The following PALM2AKAP2 variants were observed in gnomAD, a reference collection of about 807,000 sequenced individuals.
PALM2AKAP2 encodes PALM2 and AKAP2 fusion.
In PALM2AKAP2, 37 loss-of-function variants were observed where a neutral mutation model predicts 71.5. The observed-to-expected ratio is 0.52, with a 90% CI of 0.40 to 0.68. PALM2AKAP2 has a LOEUF of 0.68. PALM2AKAP2 is among the 30% of genes least tolerant of loss of function. The pLI is 0.00. For synonymous variants in PALM2AKAP2, 468 were observed against 478.8 expected (o/e 0.98, Z 0.29); for missense variants, 1,224 against 1,191.8 (o/e 1.03, Z -0.40).
intron 1 of PALM2AKAP2, among the ~76,000 whole-genome samples, chr9:110,085,829 A>G (rs1291868505): frequency 6.6e-6 from 1 of 152,132 alleles, no homozygotes; most frequent in African/African-American, 2.4e-5. Flanking sequence ...ACTACAGCCC[A>G]TGCGAAGTGG....
At chr9:109,766,090 T>C (rs1479480018) in intron 1 of PALM2AKAP2, among the ~76,000 whole-genome samples, 2 of 152,228 alleles carry the variant, frequency 1.3e-5, no homozygotes, top group African/African-American at 2.4e-5. Flanking sequence ...CAAGTGTACA[T>C]GCATTACCTT....
At chr9:109,999,025 G>C (rs1832629228) in intron 6 of PALM2AKAP2, among the ~76,000 whole-genome samples, 1 of 152,086 alleles carries the variant, frequency 6.6e-6, no homozygotes, top group Non-Finnish European at 1.5e-5. Flanking sequence ...CAGCAGGGAG[G>C]ACAGTCCCTA....
At chr9:109,786,808 A>AT in intron 1 of PALM2AKAP2, among the ~76,000 whole-genome samples, 1 of 152,078 alleles carries the variant, frequency 6.6e-6, no homozygotes. Context: ...GGAAAAAAAA[A>AT]GTCATCATAG....
chr9:110,103,689 C>A (rs929068077), intron 1 of PALM2AKAP2, among the ~76,000 whole-genome samples: 1 of 152,154 alleles, frequency 6.6e-6, no homozygotes, highest in African/African-American at 2.4e-5. Context: ...TTCTACTTTA[C>A]CTGGAATTTT....
At chr9:109,678,612 C>G (rs1827682889) in intron 1 of PALM2AKAP2, among the ~76,000 whole-genome samples, 1 of 152,034 alleles carries the variant, frequency 6.6e-6, no homozygotes, top group South Asian at 2.1e-4. Flanking sequence ...GGGGGTGCAT[C>G]CTTATCTAGG....
chr9:110,003,571 T>G (rs1189171638), intron 6 of PALM2AKAP2, among the ~76,000 whole-genome samples: 5 of 152,158 alleles, frequency 3.3e-5, no homozygotes, highest in Admixed American at 3.3e-4. Flanking sequence ...CTGAGTTCAA[T>G]TCCTGGATAT....
intron 1 of PALM2AKAP2, among the ~76,000 whole-genome samples, chr9:109,786,175 C>G (rs1189779903): frequency 6.6e-6 from 1 of 152,232 alleles, no homozygotes; most frequent in Non-Finnish European, 1.5e-5. Context: ...GAGTACCAGG[C>G]TTGGAGTGTG....
At chr9:110,053,527 C>CAAAAAAAAAAAAAAAAAAAA (rs56132919) in intron 1 of PALM2AKAP2, among the ~76,000 whole-genome samples, 10 of 82,860 alleles carry the variant, frequency 1.2e-4, no homozygotes, top group East Asian at 4.0e-4. Flanking sequence ...AACTCTGTCT[C>CAAAAAAAAAAAAAAAAAAAA]AAAAAAAAAA....
At chr9:109,996,967 C>T (rs542055720) in intron 6 of PALM2AKAP2, among the ~76,000 whole-genome samples, 32 of 152,272 alleles carry the variant, frequency 2.1e-4, no homozygotes, top group Middle Eastern at 3.4e-3. Flanking sequence ...AGCAGGTGGA[C>T]CACTTGAATC....
chr9:110,169,528 G>A (rs1836809407), exon 4 of PALM2AKAP2: 1 of 152,074 alleles, frequency 6.6e-6, no homozygotes. Flanking sequence ...AAGAATGATG[G>A]ATTCCTTTTG....
intron 1 of PALM2AKAP2, among the ~76,000 whole-genome samples, chr9:110,118,575 C>G (rs932891388): frequency 2.0e-5 from 3 of 152,112 alleles, no homozygotes; most frequent in Non-Finnish European, 4.4e-5. Context: ...GTGAATTTAT[C>G]TCCTCCAGGT....
intron 1 of PALM2AKAP2, chr9:110,127,845 TCTC>T (rs150110741): frequency 2.0e-5 from 3 of 152,308 alleles, no homozygotes; most frequent in Non-Finnish European, 2.9e-5. Flanking sequence ...AGCACTTCCT[TCTC>T]CTAGTGCTGT....
At chr9:110,027,317 T>C (rs1833198737) in intron 7 of PALM2AKAP2, among the ~76,000 whole-genome samples, 1 of 152,198 alleles carries the variant, frequency 6.6e-6, no homozygotes, top group Non-Finnish European at 1.5e-5. Context: ...AAGTAATCCA[T>C]GTTAAAGAAG....
At chr9:109,707,263 A>G (rs1248604121) in intron 1 of PALM2AKAP2, among the ~76,000 whole-genome samples, 1 of 151,748 alleles carries the variant, frequency 6.6e-6, no homozygotes, top group Non-Finnish European at 1.5e-5. Context: ...AAGTTTAGAG[A>G]ACTGCCCCCC....
At chr9:110,160,236 A>G (rs1469377645) in intron 3 of PALM2AKAP2, among the ~76,000 whole-genome samples, 1 of 152,222 alleles carries the variant, frequency 6.6e-6, no homozygotes, top group Non-Finnish European at 1.5e-5. Context: ...AGTACCATTC[A>G]TCCCTTTAGT....
chr9:109,777,211 G>C (rs78514261), upstream of PALM2AKAP2, among the ~76,000 whole-genome samples: 2,190 of 152,312 alleles, frequency 0.014, 61 homozygotes, highest in African/African-American at 0.05. Flanking sequence ...TCTCCTGAGA[G>C]TTGAACTCAA....
intron 3 of PALM2AKAP2, among the ~76,000 whole-genome samples, chr9:110,161,134 G>A (rs886186971): frequency 6.6e-6 from 1 of 152,184 alleles, no homozygotes; most frequent in Non-Finnish European, 1.5e-5. Context: ...TAGTGAAGAT[G>A]CAAAGGAGAG....
At chr9:109,695,295 C>A (rs950588803) in intron 1 of PALM2AKAP2, among the ~76,000 whole-genome samples, 1 of 152,128 alleles carries the variant, frequency 6.6e-6, no homozygotes, top group African/African-American at 2.4e-5. Flanking sequence ...TAACTGATTT[C>A]GTTTCTTTTG....
chr9:110,117,360 A>C (rs1036138189), intron 1 of PALM2AKAP2, among the ~76,000 whole-genome samples: 6 of 152,104 alleles, frequency 3.9e-5, no homozygotes, highest in Non-Finnish European at 8.8e-5. Context: ...CCTGGGCTCA[A>C]GTTATCTTCC....
Sources: allele counts gnomAD v4.1 joint callset (sites outside exome capture counted in the v4.1 genomes callset), GRCh38; gene constraint gnomAD v4.1.1; transcripts MANE v1.5; gene names NCBI Gene and HGNC (gene_info 2026-07-23, HGNC 2026-07-21).